CACNB4: variants seen among roughly 807,000 people sequenced by gnomAD.
CACNB4 encodes voltage-dependent L-type calcium channel subunit beta-4.
In CACNB4, 32 loss-of-function variants were observed where a neutral mutation model predicts 71.2. The ratio of observed to expected loss-of-function variants is 0.45; its 90% CI spans 0.34 to 0.60. The LOEUF is 0.60. Ranked by LOEUF, CACNB4 falls within the 20% of genes least tolerant of loss-of-function variation. The pLI, the probability that CACNB4 is intolerant of heterozygous loss-of-function variation, is 0.01. For synonymous variants in CACNB4, 231 were observed against 236.9 expected (o/e 0.97, Z 0.23); for missense variants, 464 against 647.9 (o/e 0.72, Z 3.08).
chr2:152,001,389 T>C (rs1008578536), intron 2 of CACNB4, among the ~76,000 whole-genome samples: 1 of 150,364 alleles, frequency 6.7e-6, no homozygotes, highest in Non-Finnish European at 1.5e-5. Flanking sequence ...GTAGCGTCCA[T>C]CAGTTAAAGA....
intron 2 of CACNB4, among the ~76,000 whole-genome samples, chr2:151,902,772 T>C (rs775829748): frequency 5.9e-5 from 9 of 152,002 alleles, no homozygotes; most frequent in Non-Finnish European, 1.2e-4. Context: ...GAAAAACTTG[T>C]GGAATGAGTT....
In CACNB4 at chr2:151,842,256, C is replaced by T. The variant is rs528684100; in HGVS notation, c.1117-168G>A. ...AGTTAGGGTCAAGTGAAGAGTTACA[C>T]AGTTATCCATGAACGAATGTAGACA... On this transcript the variant is annotated intron_variant, in intron 12 of 13. Coordinates refer to ENST00000539935, the MANE Select transcript of CACNB4 (RefSeq NM_000726.5). Among the ~76,000 whole-genome samples the T allele has an allele frequency of 1.1e-4, 16 of 145,300 alleles. No homozygotes were observed. In the South Asian group the frequency reaches 3.4e-3, roughly 31 times the overall value.
At chr2:151,844,892 A>C (rs1227326843) in intron 12 of CACNB4, among the ~76,000 whole-genome samples, 1 of 152,196 alleles carries the variant, frequency 6.6e-6, no homozygotes, top group Non-Finnish European at 1.5e-5. Context: ...ATTTGATTAC[A>C]TGGGTCTCAT....
At position 151,938,900 on chromosome 2, in the gene CACNB4, T is replaced by C. The variant is rs568558314; in HGVS notation, c.148-55530A>G. ...CATGGATTTCTGTTGAAAGGAGAGA[T>C]GGATTGGGAATCAGGAAATTTAAGT... On this transcript the variant is annotated intron_variant, in intron 2 of 13. Transcript: ENST00000539935. Among the ~76,000 whole-genome samples, 5 of 152,342 alleles carry C rather than the reference T, an allele frequency of 3.3e-5. No individual in the cohort carries two copies. The South Asian group carries it at 1.0e-3, about 32-fold the overall frequency.
chr2:151,843,599 A>C (rs1321137961), intron 12 of CACNB4, among the ~76,000 whole-genome samples: 1 of 152,154 alleles, frequency 6.6e-6, no homozygotes, highest in African/African-American at 2.4e-5. Flanking sequence ...TACAGACGTG[A>C]GTCACCACAC....
chr2:152,075,035 C>T (rs1364438746), intron 2 of CACNB4, among the ~76,000 whole-genome samples: 3 of 152,166 alleles, frequency 2.0e-5, no homozygotes, highest in African/African-American at 7.2e-5. Flanking sequence ...AAGGCAAATA[C>T]CGATACATAT....
At chr2:151,984,990 C>T (rs1681256256) in intron 2 of CACNB4, among the ~76,000 whole-genome samples, 1 of 152,080 alleles carries the variant, frequency 6.6e-6, no homozygotes, top group Admixed American at 6.5e-5. Flanking sequence ...GATCGATTCC[C>T]CAATTTATGA....
At chr2:151,863,480 G>A (rs972561703) in intron 9 of CACNB4, among the ~76,000 whole-genome samples, 7 of 152,154 alleles carry the variant, frequency 4.6e-5, no homozygotes, top group Non-Finnish European at 1.0e-4. Context: ...GAGACAAGTC[G>A]GTGGGTTTAG....
At chr2:151,869,672 C>T in intron 8 of CACNB4, 1 of 165,026 alleles carries the variant, frequency 6.1e-6, no homozygotes, top group Non-Finnish European at 1.3e-5. Flanking sequence ...GGCGGAAATT[C>T]TCCATGCCCA....
At chr2:152,029,507 A>AAAAAAAAAAGAAAAG (rs1553815872) in intron 2 of CACNB4, among the ~76,000 whole-genome samples, 1 of 104,748 alleles carries the variant, frequency 9.5e-6, no homozygotes, top group Non-Finnish European at 1.8e-5. Flanking sequence ...AAAAAAAAAA[A>AAAAAAAAAAGAAAAG]AAAAGAAAAG....
chr2:151,893,135 T>A (rs956755140), intron 2 of CACNB4, among the ~76,000 whole-genome samples: 2 of 152,100 alleles, frequency 1.3e-5, no homozygotes, highest in Non-Finnish European at 2.9e-5. Flanking sequence ...TATGGGAGAT[T>A]AATGCATGAT....
At chr2:151,957,687 C>T (rs2099868686) in intron 2 of CACNB4, among the ~76,000 whole-genome samples, 1 of 152,084 alleles carries the variant, frequency 6.6e-6, no homozygotes, top group Non-Finnish European at 1.5e-5. Flanking sequence ...AATATGAATC[C>T]TAAGCCTTAC....
intron 2 of CACNB4, among the ~76,000 whole-genome samples, chr2:152,069,911 C>T (rs961466135): frequency 8.3e-5 from 12 of 144,554 alleles, no homozygotes; most frequent in South Asian, 2.2e-4. Flanking sequence ...GGCACGATCT[C>T]GGCTCACTGC....
intron 2 of CACNB4, among the ~76,000 whole-genome samples, chr2:152,063,440 A>G (rs1055853442): frequency 6.6e-6 from 1 of 152,128 alleles, no homozygotes; most frequent in Non-Finnish European, 1.5e-5. Flanking sequence ...CAGTTAGAAA[A>G]CAGCAGAGTC....
chr2:152,053,522 ATT>A (rs200394309), intron 2 of CACNB4, among the ~76,000 whole-genome samples: 2,588 of 137,854 alleles, frequency 0.019, 66 homozygotes, highest in African/African-American at 0.064. Flanking sequence ...TGCTCTAGGA[ATT>A]TTTTTTTTTT....
At chr2:151,995,078 C>T (rs79736554) in intron 2 of CACNB4, among the ~76,000 whole-genome samples, 3,039 of 152,264 alleles carry the variant, frequency 0.02, 37 homozygotes, top group Middle Eastern at 0.031. Flanking sequence ...GAAGTATATG[C>T]TCAACAAGAC....
At chr2:151,867,861 C>T (rs35581549) in intron 9 of CACNB4, 15,982 of 152,172 alleles carry the variant, frequency 0.11, 910 homozygotes, top group East Asian at 0.14. Context: ...TCCCCTCCCC[C>T]AACTCTATCC....
At chr2:151,989,989 T>TCCC (rs1295531058) in intron 2 of CACNB4, among the ~76,000 whole-genome samples, 1 of 152,162 alleles carries the variant, frequency 6.6e-6, no homozygotes, top group Non-Finnish European at 1.5e-5. Flanking sequence ...GTTGAGGCTC[T>TCCC]CCCAATTTGT....
chr2:152,036,956 T>C (rs1684627899), intron 2 of CACNB4, among the ~76,000 whole-genome samples: 1 of 152,366 alleles, frequency 6.6e-6, no homozygotes, highest in Non-Finnish European at 1.5e-5. Context: ...GCAGCTATCA[T>C]GAACTTCAGC....
Sources: gnomAD v4.1 joint callset for allele counts (sites outside exome capture counted in the v4.1 genomes callset) on GRCh38, gnomAD v4.1.1 for gene constraint, MANE v1.5 for transcripts, NCBI Gene and HGNC (gene_info 2026-07-23, HGNC 2026-07-21) for gene names.